The following TUBGCP4 variants were observed in gnomAD, a reference collection of about 807,000 sequenced individuals.
TUBGCP4 encodes the protein gamma-tubulin complex component 4.
A neutral mutation model predicts 91.6 loss-of-function variants in TUBGCP4; 54 were observed. The ratio of observed to expected loss-of-function variants is 0.59; its 90% CI spans 0.47 to 0.74. TUBGCP4 has a LOEUF of 0.74. Among genes scored for constraint, TUBGCP4 ranks in the 30% least tolerant of loss-of-function variants. The pLI, the probability that TUBGCP4 is intolerant of heterozygous loss-of-function variation, is 0.00. For synonymous variants in TUBGCP4, 297 were observed against 302.8 expected, an observed-to-expected ratio of 0.98 and a Z score of 0.20; for missense variants, 593 against 800.9, an observed-to-expected ratio of 0.74 and a Z score of 3.13.
Position 43,407,415 on chromosome 15 carries a change from G to A in TUBGCP4, c.*2201G>A. On this transcript the variant is annotated 3_prime_UTR_variant, in exon 18 of 18. Coordinates refer to ENST00000564079, the MANE Select transcript of TUBGCP4 (RefSeq NM_014444.5). ...GAAACATAATCGTGTTTATATTTTG[G>A]ATGCTGCTTGAATCCAATTCTCTCC... is the stretch of plus-strand genomic sequence containing the variant. 2.5e-6 allele frequency: 4 copies of A among 1,614,170 alleles called. No individual in the cohort carries two copies. Among genetic ancestry groups the A allele is most frequent in the Non-Finnish European group, 3.4e-6 (4 of 1,180,032 alleles).
At chr15:43,391,194 C>G (rs2142838790) in intron 9 of TUBGCP4, among the ~76,000 whole-genome samples, 1 of 151,954 alleles carries the variant, frequency 6.6e-6, no homozygotes, top group South Asian at 2.1e-4. Flanking sequence ...AGCACCTGGC[C>G]TTTCATTTTC....
rs896286704 is a variant in TUBGCP4, at chr15:43,409,248, C to A, written c.*4034C>A. On this transcript the variant is annotated 3_prime_UTR_variant, in exon 18 of 18. Coordinates refer to ENST00000564079, the MANE Select transcript of TUBGCP4 (RefSeq NM_014444.5). Reference sequence around the variant, plus strand: ...CTATCCTGCCCAAGGCCACTCTTCTCACTGGAAGGCCCAAGTAATTTCCAT... The same window carrying A: ...CTATCCTGCCCAAGGCCACTCTTCTAACTGGAAGGCCCAAGTAATTTCCAT... 3.0e-6 allele frequency: 2 copies of A among 670,326 alleles called. No individual in the cohort carries two copies. The highest frequency in any genetic ancestry group is 2.6e-5 in the Admixed American group (1 of 38,514). The allele number at this position is 670,326 out of a possible 1,614,324, so 41.5% of individuals were successfully genotyped here. A position where few individuals can be genotyped will look rare whatever the true frequency, so the allele number is the denominator to read the frequency against.
At chr15:43,396,699 T>C (rs2142862922) in intron 11 of TUBGCP4, among the ~76,000 whole-genome samples, 1 of 152,302 alleles carries the variant, frequency 6.6e-6, no homozygotes, top group South Asian at 2.1e-4. Flanking sequence ...GTGGCACCTT[T>C]AGGACTTGGT....
Position 43,405,469 on chromosome 15 carries a change from T to A in TUBGCP4, c.*255T>A. 1.8e-6 allele frequency: 1 copy of A among 562,296 alleles called. No individual in the cohort carries two copies. The highest frequency in any genetic ancestry group is 3.2e-6 in the Non-Finnish European group (1 of 315,616). 34.8% of individuals were successfully genotyped at this position (562,296 alleles called of 1,614,324 possible). On this transcript the variant is annotated 3_prime_UTR_variant, in exon 18 of 18. Coordinates refer to ENST00000564079, the MANE Select transcript of TUBGCP4 (RefSeq NM_014444.5). Reference sequence around the variant, plus strand: ...TTACATTGAGAACATTTGTTGGATATGTTCATTTATTCAATAGTCATTTAT... The same window carrying A: ...TTACATTGAGAACATTTGTTGGATAAGTTCATTTATTCAATAGTCATTTAT...
At chr15:43,404,684 G>A (rs1300690958) in intron 17 of TUBGCP4, 132 bp downstream of exon 17, 1 of 942,600 alleles carries the variant, frequency 1.1e-6, no homozygotes, top group Non-Finnish European at 1.6e-6. Context: ...AGATAGAGGT[G>A]TGACCATCTT....
chr15:43,397,310 A>C lies in TUBGCP4; in HGVS notation c.1268A>C (p.Lys423Thr). 6.2e-7 allele frequency: 1 copy of C among 1,613,896 alleles called. No homozygotes were observed. Among genetic ancestry groups the C allele is most frequent in the Non-Finnish European group, 8.5e-7 (1 of 1,179,736 alleles). Residue 423 changes from lysine (K) to threonine (T), a missense_variant, in exon 12 of 18, where the codon AAG becomes ACG. Transcript: ENST00000564079. ...LLHLTIEYHG[K>T]EHKDATQARE... Reference sequence around the variant, plus strand: ...CACTTGACAATCGAGTATCACGGAAAGGAGCACAAAGGTTTGCCATTCCTC... The same window carrying C: ...CACTTGACAATCGAGTATCACGGAACGGAGCACAAAGGTTTGCCATTCCTC...
At chr15:43,393,829 C>T (rs1023000870) in intron 9 of TUBGCP4, among the ~76,000 whole-genome samples, 3 of 152,102 alleles carry the variant, frequency 2.0e-5, no homozygotes, top group Admixed American at 6.5e-5. Context: ...GCCACATTTA[C>T]GATTAACAAA....
chr15:43,409,075 G>A lies in TUBGCP4; in HGVS notation c.*3861G>A, dbSNP rs772035746. On this transcript the variant is annotated 3_prime_UTR_variant, in exon 18 of 18. Coordinates refer to ENST00000564079, the MANE Select transcript of TUBGCP4 (RefSeq NM_014444.5). The stretch of plus-strand genomic sequence containing the variant: ...CGACAATGCTGATCCGCAATTAGAA[G>A]ACACTGGTAAGCTGTGTTACACTGC... 1 of 1,614,208 alleles carries A rather than the reference G, an allele frequency of 6.2e-7. No homozygotes were observed. The highest frequency in any genetic ancestry group is 8.5e-7 in the Non-Finnish European group (1 of 1,180,036).
rs1171596271 is a variant in TUBGCP4 at position 43,407,673 on chromosome 15, CCAAAG to C, written c.*2461_*2465del. The C allele has an allele frequency of 8.7e-7, 1 of 1,151,876 alleles. No homozygotes were observed. The highest frequency in any genetic ancestry group is 1.6e-5 in the African/African-American group (1 of 64,210). The allele number at this position is 1,151,876 out of a possible 1,614,324, so 71.4% of individuals were successfully genotyped here. ...ACCAATACATCCCACTCTGCACAAACCAAAGCCCTATTATGTCAAACACACTGCTA... is the reference window on the plus strand; with the variant it reads ...ACCAATACATCCCACTCTGCACAAACCCCTATTATGTCAAACACACTGCTA... On this transcript the variant is annotated 3_prime_UTR_variant, in exon 18 of 18. Coordinates refer to ENST00000564079, the MANE Select transcript of TUBGCP4 (RefSeq NM_014444.5).
At chr15:43,401,186 C>T (rs2044671442) in intron 14 of TUBGCP4, among the ~76,000 whole-genome samples, 1 of 145,088 alleles carries the variant, frequency 6.9e-6, no homozygotes, top group African/African-American at 2.6e-5. Context: ...CGCAGTGGCT[C>T]ACACCTGTAA....
intron 9 of TUBGCP4, among the ~76,000 whole-genome samples, chr15:43,393,435 T>G (rs1318946007): frequency 2.0e-5 from 3 of 151,824 alleles, no homozygotes; most frequent in Non-Finnish European, 2.9e-5. Context: ...GGTTTCGATC[T>G]CTTTTTTTTT....
rs922547186 is a variant in TUBGCP4 at position 43,377,163 on chromosome 15, G to A, written c.384+96G>A. ...GTTTTTGAGAACTTTTTTTCTTCTG[G>A]ATTCAGAGCCTAACATTTTATATTT... On this transcript the variant is annotated intron_variant, in intron 4 of 17. Transcript: ENST00000564079. 7.7e-5 allele frequency: 77 copies of A among 996,742 alleles called. 2 individuals are homozygous for A. The highest frequency in any genetic ancestry group is 9.0e-5 in the Non-Finnish European group (57 of 632,556). 61.7% of individuals were successfully genotyped at this position (996,742 alleles called of 1,614,324 possible).
At chr15:43,371,552 C>T in intron 1 of TUBGCP4, 120 bp downstream of exon 1, 1 of 990,794 alleles carries the variant, frequency 1.0e-6, no homozygotes, top group Non-Finnish European at 1.5e-6. Flanking sequence ...GGGCGTATCC[C>T]TGGACAGGTG....
At chr15:43,395,522 C>T in intron 10 of TUBGCP4, 61 bp from the exon 11 acceptor site, 2 of 1,232,678 alleles carry the variant, frequency 1.6e-6, no homozygotes, top group Non-Finnish European at 2.4e-6. Context: ...TGTAATTCCT[C>T]AGGACAGTGA....
intron 1 of TUBGCP4, among the ~76,000 whole-genome samples, chr15:43,371,855 C>T (rs1221870674): frequency 6.6e-6 from 1 of 152,140 alleles, no homozygotes; most frequent in South Asian, 2.1e-4. Flanking sequence ...TAAATGAAAT[C>T]GAGAGCGTGT....
chr15:43,392,685 G>C (rs1219584596), intron 9 of TUBGCP4, among the ~76,000 whole-genome samples: 1 of 152,072 alleles, frequency 6.6e-6, no homozygotes, highest in Non-Finnish European at 1.5e-5. Context: ...TTTTAGTTGA[G>C]ATGGGGTTTC....
intron 13 of TUBGCP4, among the ~76,000 whole-genome samples, chr15:43,399,411 A>G (rs1302492224): frequency 6.6e-6 from 1 of 152,186 alleles, no homozygotes; most frequent in Non-Finnish European, 1.5e-5. Flanking sequence ...TCTGTTGCCC[A>G]GGCAGCACAC....
rs374968939 is a variant in TUBGCP4, at chr15:43,407,343, C to T, written c.*2129C>T. 1.3e-6 allele frequency: 2 copies of T among 1,586,528 alleles called. No homozygotes were observed. The highest frequency in any genetic ancestry group is 2.2e-5 in the East Asian group (1 of 44,610). ...TTAAAACCTGGTTAAAACACAATCTCCACGATAGCAGGGAATAAAACCAGT... is the reference window on the plus strand; with the variant it reads ...TTAAAACCTGGTTAAAACACAATCTTCACGATAGCAGGGAATAAAACCAGT... On this transcript the variant is annotated 3_prime_UTR_variant, in exon 18 of 18. Coordinates refer to ENST00000564079, the MANE Select transcript of TUBGCP4 (RefSeq NM_014444.5).
chr15:43,377,611 C>CAAAAAAA (rs60932318), intron 4 of TUBGCP4: 14 of 259,590 alleles, frequency 5.4e-5, no homozygotes, highest in East Asian at 3.4e-4. Flanking sequence ...GACCCTGTCT[C>CAAAAAAA]AAAAAAAAAA....
Sources: allele counts gnomAD v4.1 joint callset (sites outside exome capture counted in the v4.1 genomes callset), GRCh38; gene constraint gnomAD v4.1.1; transcripts MANE v1.5; gene names NCBI Gene and HGNC (gene_info 2026-07-23, HGNC 2026-07-21).